GNG2: variants seen among roughly 807,000 people sequenced by gnomAD.
GNG2 encodes G protein subunit gamma 2.
In GNG2, 5 loss-of-function variants were observed where a neutral mutation model predicts 5.5. The ratio of observed to expected loss-of-function variants is 0.91; its 90% confidence interval spans 0.48 to 1.92. The LOEUF is 1.92. Among genes scored for constraint, GNG2 ranks in the 30% most tolerant of loss-of-function variants. The pLI is 0.01. For missense variants in GNG2, 55 were observed against 88.4 expected, an observed-to-expected ratio of 0.62 and a Z score of 1.52; for synonymous variants, 28 against 32.0, an observed-to-expected ratio of 0.88 and a Z score of 0.42.
intron 2 of GNG2, among the ~76,000 whole-genome samples, chr14:51,929,151 C>T (rs1887513242): frequency 6.6e-6 from 1 of 152,110 alleles, no homozygotes; most frequent in African/African-American, 2.4e-5. Flanking sequence ...TTAATTAGAC[C>T]TCTGTAAAAT....
chr14:51,846,127 T>A (rs1388240173), intron 2 of GNG2, among the ~76,000 whole-genome samples: 1 of 152,226 alleles, frequency 6.6e-6, no homozygotes, highest in Non-Finnish European at 1.5e-5. Context: ...AAACCATTTG[T>A]CAAAAGGCAG....
intron 2 of GNG2, among the ~76,000 whole-genome samples, chr14:51,845,834 G>T (rs1881609640): frequency 6.6e-6 from 1 of 152,162 alleles, no homozygotes; most frequent in Admixed American, 6.5e-5. Context: ...GGACGTGCTG[G>T]CCTGAGTGAT....
intron 1 of GNG2, among the ~76,000 whole-genome samples, chr14:51,875,947 C>CTTTTTTTT (rs10529707): frequency 7.1e-6 from 1 of 141,124 alleles, no homozygotes; most frequent in Non-Finnish European, 1.5e-5. Flanking sequence ...ACATTTTTTT[C>CTTTTTTTT]TTTTTTCCGA....
chr14:51,915,382 T>TGCTTCTTG lies in GNG2; in HGVS notation c.-29-35267_-29-35260dup, dbSNP rs912779669. Among the ~76,000 whole-genome samples the TGCTTCTTG allele has an allele frequency of 1.4e-4, 22 of 152,360 alleles. 1 individual carries two copies. The South Asian group carries it at 3.1e-3, about 22-fold the overall frequency. ...ATTATGACTAACTTATAATGTGTTT[T>TGCTTCTTG]GCTTCTTGTAAACTGTTACTGCCCT... On this transcript the variant is annotated intron_variant, in intron 2 of 3. Coordinates refer to ENST00000556766, the MANE Select transcript of GNG2 (RefSeq NM_053064.5).
At chr14:51,850,600 G>T (rs1290986793) in intron 2 of GNG2, among the ~76,000 whole-genome samples, 3 of 152,310 alleles carry the variant, frequency 2.0e-5, no homozygotes, top group East Asian at 3.9e-4. Flanking sequence ...TTCTTGCATT[G>T]CTATAAAGAA....
rs1886081462 is a variant in GNG2, at chr14:51,908,532, ATCTAT to A, written c.-30+30876_-30+30880del. 2.8e-4 allele frequency among the ~76,000 whole-genome samples: 10 copies of A among 35,436 alleles called. No individual in the cohort carries two copies. In the Admixed American group the frequency reaches 3.1e-3, roughly 11 times the overall value. The allele number at this position is 35,436 out of a possible 152,430, so 23.2% of individuals were successfully genotyped here. A position where few individuals can be genotyped will look rare whatever the true frequency, so the allele number is the denominator to read the frequency against. ...ATGATCTGTCATATTTTAAAGATCT[ATCTAT>A]CTATCTATCTATCTATCTATCTATC... On this transcript the variant is annotated intron_variant, in intron 2 of 3. Transcript: ENST00000556766.
At position 51,896,083 on chromosome 14, in the gene GNG2, C is replaced by G. The variant is rs143180411; in HGVS notation, c.-30+18426C>G. 4.8e-3 allele frequency among the ~76,000 whole-genome samples: 738 copies of G among 152,286 alleles called. 17 individuals are homozygous for G. Among genetic ancestry groups the G allele is most frequent in the East Asian group, 3.1e-3 (16 of 5,178 alleles). ...AATATACCCACTAACCCTAAATAGT[C>G]AATGACCTTACACTTTGGATTCAGA... On this transcript the variant is annotated intron_variant, in intron 2 of 3. Coordinates refer to ENST00000556766, the MANE Select transcript of GNG2 (RefSeq NM_053064.5).
intron 1 of GNG2, chr14:51,827,546 T>C (rs1881060643): frequency 1.7e-6 from 1 of 583,136 alleles, no homozygotes; most frequent in Non-Finnish European, 3.0e-6. Flanking sequence ...CTAGGAGTGG[T>C]ATTTTTTGAT....
chr14:51,884,607 TGCAGTAAAG>T (rs1183022425), intron 2 of GNG2, among the ~76,000 whole-genome samples: 4 of 152,214 alleles, frequency 2.6e-5, no homozygotes, highest in African/African-American at 9.6e-5. Context: ...CTGTGGCTCC[TGCAGTAAAG>T]GCTATGAAGT....
chr14:51,911,196 A>T (rs4901174), intron 2 of GNG2, among the ~76,000 whole-genome samples: 48,116 of 152,176 alleles, frequency 0.32, 11,158 homozygotes, highest in African/African-American at 0.66. Flanking sequence ...CAAAGTGTAA[A>T]GTGGCTTGGT....
chr14:51,855,487 T>A (rs1201509773), upstream of GNG2, among the ~76,000 whole-genome samples: 3 of 152,200 alleles, frequency 2.0e-5, no homozygotes, highest in Admixed American at 1.3e-4. Flanking sequence ...CAGATCATGA[T>A]TATATCTTTT....
intron 2 of GNG2, among the ~76,000 whole-genome samples, chr14:51,881,982 C>T (rs1349951372): frequency 6.6e-6 from 1 of 152,086 alleles, no homozygotes; most frequent in African/African-American, 2.4e-5. Flanking sequence ...CTCATTTCAG[C>T]TTCAAATCTT....
intron 3 of GNG2, among the ~76,000 whole-genome samples, chr14:51,961,856 G>A (rs183107727): frequency 7.0e-4 from 106 of 152,308 alleles, no homozygotes; most frequent in Admixed American, 6.9e-3. Context: ...ATTGGAGAGA[G>A]GGGGAGGCCC....
chr14:51,841,640 C>A (rs1375908144), intron 2 of GNG2: 1 of 674,670 alleles, frequency 1.5e-6, no homozygotes, highest in Non-Finnish European at 2.7e-6. Flanking sequence ...AACAAGCAAG[C>A]AAAACATTAA....
chr14:51,964,659 G>C (rs1889795541), intron 3 of GNG2, among the ~76,000 whole-genome samples: 1 of 152,160 alleles, frequency 6.6e-6, no homozygotes, highest in African/African-American at 2.4e-5. Flanking sequence ...CGGTTTATGG[G>C]ATGAGAAGAG....
At chr14:51,924,215 A>C (rs1185182624) in intron 2 of GNG2, among the ~76,000 whole-genome samples, 1 of 152,222 alleles carries the variant, frequency 6.6e-6, no homozygotes, top group Non-Finnish European at 1.5e-5. Flanking sequence ...CCGGTTTCTT[A>C]ATCTGAAAAT....
chr14:51,845,779 C>T (rs1168203342), intron 2 of GNG2, among the ~76,000 whole-genome samples: 4 of 152,116 alleles, frequency 2.6e-5, no homozygotes, highest in Admixed American at 1.3e-4. Flanking sequence ...TCTGAATTCC[C>T]CATCTGCACT....
At chr14:51,867,318 C>A (rs1298413426) in intron 1 of GNG2, among the ~76,000 whole-genome samples, 1 of 152,204 alleles carries the variant, frequency 6.6e-6, no homozygotes, top group East Asian at 1.9e-4. Flanking sequence ...GCTTGTACAG[C>A]AAGCTGCCTG....
intron 2 of GNG2, among the ~76,000 whole-genome samples, chr14:51,913,523 A>G (rs1411232831): frequency 6.6e-6 from 1 of 152,152 alleles, no homozygotes; most frequent in African/African-American, 2.4e-5. Flanking sequence ...CTAAAAATAA[A>G]CAAATAAGTT....
Sources: gnomAD v4.1 joint callset for allele counts (sites outside exome capture counted in the v4.1 genomes callset) on GRCh38, gnomAD v4.1.1 for gene constraint, MANE v1.5 for transcripts, NCBI Gene and HGNC (gene_info 2026-07-23, HGNC 2026-07-21) for gene names.